Variants in SLC22A9 observed in about 807,000 individuals in gnomAD.
SLC22A9 encodes solute carrier family 22 member 9, also known as organic anion transporter 7.
Under a neutral mutation model 50.1 loss-of-function variants are expected in SLC22A9, and 64 were observed. The observed-to-expected ratio is 1.28, with a 90% CI of 1.04 to 1.57. The LOEUF is 1.57. Ranked by LOEUF, SLC22A9 falls within the 40% of genes most tolerant of loss-of-function variation. The probability of loss-of-function intolerance (pLI) is 0.00; values close to 1 mark genes in which losing one functional copy is unlikely to be tolerated. For synonymous variants in SLC22A9, 261 were observed against 242.5 expected, an observed-to-expected ratio of 1.08 and a Z score of -0.71; for missense variants, 757 against 676.1, an observed-to-expected ratio of 1.12 and a Z score of -1.33.
At chr11:63,370,616 A>T (rs552202734) in intron 1 of SLC22A9, among the ~76,000 whole-genome samples, 158 bp downstream of exon 1, 11 of 152,318 alleles carry the variant, frequency 7.2e-5, no homozygotes, top group African/African-American at 2.2e-4. Flanking sequence ...TGACACCTAC[A>T]CATTTTGAGT....
chr11:63,406,339 T>TTTCTTTAATCTTCTA (rs1486186043), intron 6 of SLC22A9, among the ~76,000 whole-genome samples, 158 bp from the exon 7 acceptor site: 2 of 152,172 alleles, frequency 1.3e-5, no homozygotes, highest in Non-Finnish European at 2.9e-5. Context: ...TATCACTTAA[T>TTTCTTTAATCTTCTA]AGATTTCTTT....
Position 63,371,145 on chromosome 11 carries a change from T to A in SLC22A9, c.413T>A (p.Val138Glu). 1 of 1,612,770 alleles carries A rather than the reference T, an allele frequency of 6.2e-7. No homozygotes were observed. The highest frequency in any genetic ancestry group is 1.1e-5 in the South Asian group (1 of 91,024). Residue 138 changes from valine (V) to glutamate (E), a missense_variant, in exon 2 of 10, where the codon GTA (valine) becomes GAA (glutamate). Coordinates refer to ENST00000279178, the MANE Select transcript of SLC22A9 (RefSeq NM_080866.3). The stretch of plus-strand genomic sequence containing the variant: ...TTCCTTCTCTTCCAGTGGGATCTGG[T>A]ATGTGACTCTCAATCACTGACTTCA... ...SSTIVTEWDL[V>E]CDSQSLTSVA...
chr11:63,385,832 T>C (rs1363600470), intron 6 of SLC22A9, among the ~76,000 whole-genome samples: 7 of 152,110 alleles, frequency 4.6e-5, no homozygotes, highest in African/African-American at 1.7e-4. Context: ...AATGCTATGT[T>C]GAATAGGAAT....
At chr11:63,370,510 A>G in intron 1 of SLC22A9, 52 bp downstream of exon 1, 1 of 1,507,322 alleles carries the variant, frequency 6.6e-7, no homozygotes, top group Non-Finnish European at 8.9e-7. Flanking sequence ...TGTTTAGAAT[A>G]ACACAAGTAA....
rs541147789 is a variant in SLC22A9 at position 63,387,609 on chromosome 11, T to C, written c.1073+5332T>C. Among the ~76,000 whole-genome samples the C allele has an allele frequency of 2.0e-5, 3 of 152,200 alleles. No individual in the cohort carries two copies. In the South Asian group the frequency reaches 6.2e-4, roughly 32 times the overall value. On this transcript the variant is annotated intron_variant, in intron 6 of 9. Coordinates refer to ENST00000279178, the MANE Select transcript of SLC22A9 (RefSeq NM_080866.3). ...GTGGTTCCTCCAGTTTTGTTCTTTT[T>C]ACTCCAGATAGTTTCGACTATTCTT... is the stretch of plus-strand genomic sequence containing the variant.
At chr11:63,384,299 C>T (rs74390632) in intron 6 of SLC22A9, among the ~76,000 whole-genome samples, 7,982 of 152,184 alleles carry the variant, frequency 0.052, 690 homozygotes, top group African/African-American at 0.18. Flanking sequence ...TTCCTGCACC[C>T]AACCCCCAAC....
At chr11:63,402,354 C>T (rs777577224) in intron 6 of SLC22A9, among the ~76,000 whole-genome samples, 7 of 152,150 alleles carry the variant, frequency 4.6e-5, no homozygotes, top group South Asian at 4.1e-4. Flanking sequence ...CAAGCACTAT[C>T]TATTGAATAG....
intron 8 of SLC22A9, 61 bp downstream of exon 8, chr11:63,408,281 C>G: frequency 7.6e-7 from 1 of 1,313,572 alleles, no homozygotes; most frequent in Non-Finnish European, 1.1e-6. Flanking sequence ...ATAATTGACA[C>G]TTTTTGCGGG....
At chr11:63,397,645 T>A (rs1363105495) in intron 6 of SLC22A9, among the ~76,000 whole-genome samples, 2 of 152,000 alleles carry the variant, frequency 1.3e-5, no homozygotes, top group African/African-American at 4.8e-5. Flanking sequence ...AGAGGAGTCA[T>A]CTCATGGCCA....
At chr11:63,391,007 G>A (rs1261850598) in intron 6 of SLC22A9, among the ~76,000 whole-genome samples, 1 of 151,998 alleles carries the variant, frequency 6.6e-6, no homozygotes, top group Non-Finnish European at 1.5e-5. Context: ...CGTAGGTTTT[G>A]ATATGTTGTG....
rs114140472 is a variant in SLC22A9, at chr11:63,383,685, A to G, written c.1073+1408A>G. Among the ~76,000 whole-genome samples the G allele has an allele frequency of 6.1e-3, 934 of 152,294 alleles. 10 individuals are homozygous for G. Among genetic ancestry groups the G allele is most frequent in the African/African-American group, 0.021 (855 of 41,558 alleles). On this transcript the variant is annotated intron_variant, in intron 6 of 9. Transcript: ENST00000279178. The stretch of plus-strand genomic sequence containing the variant: ...AAATCCCCAGAAACTGACCATAAAG[A>G]GAGGTATATGAATAAAGTGATAACA...
chr11:63,390,674 G>A (rs1419617399), intron 6 of SLC22A9, among the ~76,000 whole-genome samples: 1 of 151,960 alleles, frequency 6.6e-6, no homozygotes, highest in African/African-American at 2.4e-5. Context: ...TAGCTATACG[G>A]GCTCTTTTTT....
chr11:63,394,406 T>G (rs2014816072), intron 6 of SLC22A9, among the ~76,000 whole-genome samples: 1 of 152,172 alleles, frequency 6.6e-6, no homozygotes, highest in Non-Finnish European at 1.5e-5. Flanking sequence ...TAGCAATTCT[T>G]GTAGGGGTGG....
chr11:63,396,771 G>A (rs1433496606), intron 6 of SLC22A9, among the ~76,000 whole-genome samples: 1 of 151,802 alleles, frequency 6.6e-6, no homozygotes, highest in East Asian at 1.9e-4. Flanking sequence ...TTTTTTCTCT[G>A]TGTTATCTTT....
At position 63,382,232 on chromosome 11, in the gene SLC22A9, A is replaced by C. The variant is rs1349287263; in HGVS notation, c.1028A>C (p.His343Pro). Reference sequence around the variant, plus strand: ...AAACCTTCTCTGTGTGAAATGCTCCACATGCCCAACATATGTAAAAGGATC... The same window carrying C: ...AAACCTTCTCTGTGTGAAATGCTCCCCATGCCCAACATATGTAAAAGGATC... ...KKKPSLCEML[H>P]MPNICKRISL... The change falls in exon 6 of 10, where the codon CAC becomes CCC. Residue 343 changes from histidine (H) to proline (P), a missense_variant. Coordinates refer to ENST00000279178, the MANE Select transcript of SLC22A9 (RefSeq NM_080866.3). 1.2e-6 allele frequency: 2 copies of C among 1,609,360 alleles called. No individual in the cohort carries two copies. Among genetic ancestry groups the C allele is most frequent in the South Asian group, 2.2e-5 (2 of 89,188 alleles).
chr11:63,397,597 GAA>G (rs958989612), intron 6 of SLC22A9, among the ~76,000 whole-genome samples: 4 of 152,064 alleles, frequency 2.6e-5, no homozygotes, highest in African/African-American at 9.7e-5. Flanking sequence ...AGGCACAAAA[GAA>G]AGTCTTTTCC....
At position 63,408,736 on chromosome 11, in the gene SLC22A9, C is replaced by G; in HGVS notation, c.1458C>G (p.Leu486=). ...ATATAGCAGGAGCCCTGGCTCCCCT[C>G]ATGATGATCCTAAGTGTGTATTCTC... ...FANIAGALAP[L]MMILSVYSPP... The change falls in exon 9 of 10, where the codon CTC becomes CTG. Residue 486 remains leucine (L), a synonymous_variant. Coordinates refer to ENST00000279178, the MANE Select transcript of SLC22A9 (RefSeq NM_080866.3). 1 of 1,614,036 alleles carries G rather than the reference C, an allele frequency of 6.2e-7. No individual in the cohort carries two copies. Among genetic ancestry groups the G allele is most frequent in the Non-Finnish European group, 8.5e-7 (1 of 1,179,952 alleles).
At position 63,375,689 on chromosome 11, in the gene SLC22A9, C is replaced by T. The variant is rs1198839949; in HGVS notation, c.875C>T (p.Pro292Leu). The change falls in exon 5 of 10, where the codon CCA (proline) becomes CTA (leucine). Residue 292 changes from proline (P) to leucine (L), a missense_variant. Physicochemically the swap from Pro to Leu is moderately conservative, Grantham distance 98. Transcript: ENST00000279178. The part of the protein sequence containing the change: ...SARWLIINNK[P>L]EEGLKELRKA... ...CGGTGGCTCATTATCAACAATAAAC[C>T]AGAGGAAGGCTTAAAGGAACTTAGA... The T allele has an allele frequency of 6.2e-7, 1 of 1,612,548 alleles. No individual in the cohort carries two copies. Among genetic ancestry groups the T allele is most frequent in the Non-Finnish European group, 8.5e-7 (1 of 1,179,112 alleles).
In SLC22A9 at chr11:63,378,395, A is replaced by G. The variant is rs189480176; in HGVS notation, c.954+2627A>G. ...TACCTCAAAATAATGAGAGCTATCT[A>G]TTGACAAACCCAAGCCAAGATCATA... On this transcript the variant is annotated intron_variant, in intron 5 of 9. Coordinates refer to ENST00000279178, the MANE Select transcript of SLC22A9 (RefSeq NM_080866.3). 3.8e-3 allele frequency among the ~76,000 whole-genome samples: 584 copies of G among 152,232 alleles called. 5 individuals carry two copies. The highest frequency in any genetic ancestry group is 0.013 in the African/African-American group (558 of 41,538).
Sources: gnomAD v4.1 joint callset for allele counts (sites outside exome capture counted in the v4.1 genomes callset) on GRCh38, gnomAD v4.1.1 for gene constraint, MANE v1.5 for transcripts, NCBI Gene and HGNC (gene_info 2026-07-23, HGNC 2026-07-21) for gene names.